Variants in IFIH1 observed in about 807,000 individuals in gnomAD.
The protein encoded by IFIH1 is interferon-induced helicase C domain-containing protein 1.
IFIH1 carries 125 observed loss-of-function variants against 107.4 expected under a neutral mutation model. The ratio of observed to expected loss-of-function variants is 1.16; its 90% CI spans 1.01 to 1.35. The LOEUF is 1.35. Ranked by LOEUF, IFIH1 falls within the 40% of genes most tolerant of loss-of-function variation. The pLI is 0.00. For synonymous variants in IFIH1, 458 were observed against 413.2 expected, an observed-to-expected ratio of 1.11 and a Z score of -1.31; for missense variants, 1,333 against 1,213.7, an observed-to-expected ratio of 1.10 and a Z score of -1.46.
chr2:162,282,145 A>G (rs1383720104), intron 6 of IFIH1, among the ~76,000 whole-genome samples: 3 of 152,024 alleles, frequency 2.0e-5, no homozygotes, highest in Non-Finnish European at 4.4e-5. Context: ...TGGAAAGTCC[A>G]GCGAGTGCTT....
At chr2:162,308,082 T>C (rs1327448014) in intron 2 of IFIH1, among the ~76,000 whole-genome samples, 2 of 152,212 alleles carry the variant, frequency 1.3e-5, no homozygotes, top group African/African-American at 4.8e-5. Context: ...ACCCAGAGTC[T>C]AAGCTCCTAC....
chr2:162,278,197 T>C lies in IFIH1; in HGVS notation c.1765+8A>G. Reference sequence around the variant, plus strand: ...ATAAACTAAGTGTTAGGTCCAAACCTAAATTACCTTTTTTTTCCATTTGAA... The same window carrying C: ...ATAAACTAAGTGTTAGGTCCAAACCCAAATTACCTTTTTTTTCCATTTGAA... On this transcript the variant is annotated splice_region_variant and intron_variant, in intron 9 of 15. Transcript: ENST00000649979. 6.2e-7 allele frequency: 1 copy of C among 1,601,704 alleles called. No homozygotes were observed. Among genetic ancestry groups the C allele is most frequent in the East Asian group, 2.2e-5 (1 of 44,546 alleles).
At position 162,293,580 on chromosome 2, in the gene IFIH1, G is replaced by C. The variant is rs567681295; in HGVS notation, c.858C>G (p.Thr286=). The change falls in exon 4 of 16, where the codon ACC becomes ACG. Residue 286 remains threonine (T), a synonymous_variant. Transcript: ENST00000649979. ...AGGCAGTACCTGAATCACTTCCCAT[G>C]GTGCCTGAATCACTGCCCATGTTGC... is the stretch of plus-strand genomic sequence containing the variant. The part of the protein sequence containing the change: ...HNSNMGSDSG[T]MGSDSDEENV... The C allele has an allele frequency of 1.1e-5, 17 of 1,608,660 alleles. No homozygotes were observed. In the Admixed American group the frequency reaches 2.3e-4, roughly 22 times the overall value.
At chr2:162,272,999 G>A (rs1691075177) in intron 12 of IFIH1, among the ~76,000 whole-genome samples, 1 of 152,174 alleles carries the variant, frequency 6.6e-6, no homozygotes, top group Non-Finnish European at 1.5e-5. Context: ...TGTATTCTAA[G>A]TTTGATTACT....
chr2:162,318,245 C>G lies in IFIH1; in HGVS notation c.63G>C (p.Arg21Ser), dbSNP rs553228814. 6.2e-7 allele frequency: 1 copy of G among 1,614,148 alleles called. No individual in the cohort carries two copies. ...FRYLISCFRA[R>S]VKMYIQVEPV... Reference sequence around the variant, plus strand: ...GCTCCACCTGGATGTACATTTTCACCCTGGCCCTGAAGCACGAGATGAGAT... The same window carrying G: ...GCTCCACCTGGATGTACATTTTCACGCTGGCCCTGAAGCACGAGATGAGAT... The change falls in exon 1 of 16, where the codon AGG becomes AGC. Residue 21 changes from arginine (R) to serine (S), a missense_variant. Physicochemically the swap from Arg to Ser is moderately radical, Grantham distance 110 (BLOSUM62 -1). Coordinates refer to ENST00000649979, the MANE Select transcript of IFIH1 (RefSeq NM_022168.4).
At chr2:162,310,003 C>T (rs1280389150) in intron 2 of IFIH1, 3 of 152,282 alleles carry the variant, frequency 2.0e-5, no homozygotes, top group African/African-American at 7.2e-5. Flanking sequence ...CATATTTCTA[C>T]CATTCACCCA....
rs1683500598 is a variant in IFIH1 at position 162,317,009 on chromosome 2, G to GA, written c.453+845dup. ...AAAGAATGTTGAAACTTTGATTAAA[G>GA]AAAAAGGGTGTGTGTGTGTGTGTGT... On this transcript the variant is annotated intron_variant, in intron 1 of 15. Coordinates refer to ENST00000649979, the MANE Select transcript of IFIH1 (RefSeq NM_022168.4). 2.8e-5 allele frequency among the ~76,000 whole-genome samples: 4 copies of GA among 145,180 alleles called. No individual in the cohort carries two copies. In the South Asian group the frequency reaches 9.2e-4, roughly 33 times the overall value.
chr2:162,294,009 T>A (rs1351614386), intron 3 of IFIH1, among the ~76,000 whole-genome samples: 33 of 151,950 alleles, frequency 2.2e-4, no homozygotes, highest in Admixed American at 2.2e-3. Flanking sequence ...TTGATATGTC[T>A]TTTAAACAAA....
chr2:162,272,148 TGA>T, intron 13 of IFIH1, 76 bp downstream of exon 13: 1 of 1,145,318 alleles, frequency 8.7e-7, no homozygotes, highest in Non-Finnish European at 1.3e-6. Flanking sequence ...GTCTGGAGAA[TGA>T]GTCACAGAGA....
chr2:162,281,637 TG>T, intron 6 of IFIH1, 92 bp from the exon 7 acceptor site: 1 of 876,234 alleles, frequency 1.1e-6, no homozygotes, highest in Non-Finnish European at 1.8e-6. Context: ...GCCTTGGGGA[TG>T]CCTTCTCTTG....
chr2:162,286,319 A>T (rs1162745639), intron 5 of IFIH1, among the ~76,000 whole-genome samples: 1 of 151,948 alleles, frequency 6.6e-6, no homozygotes, highest in Non-Finnish European at 1.5e-5. Flanking sequence ...CTAACCGGTG[A>T]TTGTGGGATT....
chr2:162,306,755 C>A lies in IFIH1; in HGVS notation c.723G>T (p.Glu241Asp). 6.2e-7 allele frequency: 1 copy of A among 1,613,916 alleles called. No individual in the cohort carries two copies. The highest frequency in any genetic ancestry group is 1.1e-5 in the South Asian group (1 of 91,074). ...CAAAAGATGATTCTGATGAGTTATT[C>A]TCCATGCCCCAGACCTCCTTCTCCA... ...PNLEKEVWGM[E>D]NNSSESSFAD... is the part of the protein sequence containing the mutation. Residue 241 changes from glutamate to aspartate, a missense_variant, in exon 3 of 16, where the codon GAG becomes GAT. Physicochemically the swap from Glu to Asp is conservative, Grantham distance 45. Coordinates refer to ENST00000649979, the MANE Select transcript of IFIH1 (RefSeq NM_022168.4).
intron 8 of IFIH1, among the ~76,000 whole-genome samples, chr2:162,278,877 G>C (rs1194118995): frequency 1.3e-5 from 2 of 152,068 alleles, no homozygotes; most frequent in African/African-American, 4.8e-5. Flanking sequence ...CATGGTGACT[G>C]GAAGGGGGAG....
At chr2:162,311,656 T>G (rs1489468955) in intron 1 of IFIH1, among the ~76,000 whole-genome samples, 1 of 152,164 alleles carries the variant, frequency 6.6e-6, no homozygotes, top group Admixed American at 6.5e-5. Context: ...GGATCTTTTG[T>G]GTAATCATTG....
chr2:162,276,398 T>C (rs914808941), intron 11 of IFIH1, among the ~76,000 whole-genome samples: 24 of 151,356 alleles, frequency 1.6e-4, no homozygotes, highest in Non-Finnish European at 2.8e-4. Context: ...AGCCCAGGAG[T>C]TTAAGACAAG....
chr2:162,295,840 A>G lies in IFIH1; in HGVS notation c.770-2172T>C, dbSNP rs148602589. On this transcript the variant is annotated intron_variant, in intron 3 of 15. Coordinates refer to ENST00000649979, the MANE Select transcript of IFIH1 (RefSeq NM_022168.4). Reference sequence around the variant, plus strand: ...GGGCAGATGTACTGATGAAAAGAGAATATGATTTGTAAGGAAAAGGCAAGG... The same window carrying G: ...GGGCAGATGTACTGATGAAAAGAGAGTATGATTTGTAAGGAAAAGGCAAGG... Among the ~76,000 whole-genome samples the G allele has an allele frequency of 1.9e-3, 285 of 152,066 alleles. 2 individuals are homozygous for G. Among genetic ancestry groups the G allele is most frequent in the African/African-American group, 6.7e-3 (279 of 41,522 alleles).
chr2:162,310,591 G>A (rs1683369449), intron 2 of IFIH1, 174 bp downstream of exon 2: 1 of 587,562 alleles, frequency 1.7e-6, no homozygotes, highest in East Asian at 2.8e-5. Flanking sequence ...ATTTTCCCAG[G>A]CATCAATTTC....
chr2:162,283,632 G>A (rs1181067215), intron 5 of IFIH1, among the ~76,000 whole-genome samples: 1 of 151,988 alleles, frequency 6.6e-6, no homozygotes, highest in Non-Finnish European at 1.5e-5. Flanking sequence ...AATGCAATCA[G>A]TGGTTACCTT....
At chr2:162,274,743 C>G (rs2105194681) in intron 11 of IFIH1, among the ~76,000 whole-genome samples, 1 of 152,210 alleles carries the variant, frequency 6.6e-6, no homozygotes, top group Admixed American at 6.5e-5. Context: ...TTGATATGGA[C>G]AATGTGGTTT....
Sources: gnomAD v4.1 joint callset for allele counts (sites outside exome capture counted in the v4.1 genomes callset) on GRCh38, gnomAD v4.1.1 for gene constraint, MANE v1.5 for transcripts, NCBI Gene and HGNC (gene_info 2026-07-23, HGNC 2026-07-21) for gene names.